Variants in CAMTA1 observed in about 807,000 individuals in gnomAD.
The protein encoded by CAMTA1 is calmodulin-binding transcription activator 1.
A neutral mutation model predicts 170.9 loss-of-function variants in CAMTA1; 27 were observed. That is an observed-to-expected ratio of 0.16 (90% CI 0.12 to 0.22). CAMTA1 has a LOEUF of 0.22. Among genes scored for constraint, CAMTA1 ranks in the 10% least tolerant of loss-of-function variants. CAMTA1 has a pLI of 1.00. For missense variants in CAMTA1, 1,619 were observed against 2,217.2 expected (o/e 0.73, Z 5.42); for synonymous variants, 833 against 891.5 (o/e 0.93, Z 1.17).
At chr1:6,920,596 C>A (rs759028528) in intron 3 of CAMTA1, among the ~76,000 whole-genome samples, 10 of 152,244 alleles carry the variant, frequency 6.6e-5, no homozygotes, top group Admixed American at 1.3e-4. Context: ...ACTGCCCTAG[C>A]AGAGGTTCTC....
At chr1:6,806,845 A>G (rs1644568230) in intron 1 of CAMTA1, 1 of 398,780 alleles carries the variant, frequency 2.5e-6, no homozygotes, top group Non-Finnish European at 4.4e-6. Flanking sequence ...AATTTATATA[A>G]TTGTTATTAT....
Position 7,738,069 on chromosome 1 carries a change from CAGG to C in CAMTA1, c.3772_3774del (p.Glu1258del). On this transcript the variant is annotated inframe_deletion, in exon 16 of 23. Transcript: ENST00000303635. This position sits in a 1 kb window ranked among gnomAD's most constrained non-coding sequence, Gnocchi z 4.9. ...GAACCCTGAGTACTTCCAGACAAGG[CAGG>C]AGAAGCTGCTTCCCACTGCACTGAG... 3 of 1,614,166 alleles carry C rather than the reference CAGG, an allele frequency of 1.9e-6. No homozygotes were observed. The highest frequency in any genetic ancestry group is 2.5e-6 in the Non-Finnish European group (3 of 1,180,042).
At chr1:7,410,897 CTGTGTGTGTG>C (rs35763888) in intron 5 of CAMTA1, among the ~76,000 whole-genome samples, 15 of 141,520 alleles carry the variant, frequency 1.1e-4, no homozygotes, top group Admixed American at 3.7e-4. Context: ...GGGTGGGCGT[CTGTGTGTGTG>C]TGTGTGTGTG....
At chr1:7,034,480 G>T (rs1558002265) in intron 3 of CAMTA1, among the ~76,000 whole-genome samples, 1 of 152,192 alleles carries the variant, frequency 6.6e-6, no homozygotes, top group East Asian at 1.9e-4. Flanking sequence ...CTGTTAAAAG[G>T]TGTTACAAGG....
intron 6 of CAMTA1, among the ~76,000 whole-genome samples, chr1:7,479,990 T>A (rs1046147506): frequency 6.6e-6 from 1 of 152,146 alleles, no homozygotes; most frequent in Non-Finnish European, 1.5e-5. Flanking sequence ...TGTGAATGTA[T>A]GTGCATGTGT....
chr1:7,738,177 G>T lies in CAMTA1; in HGVS notation c.3877G>T (p.Val1293Leu). Residue 1293 changes from valine (V) to leucine (L), a missense_variant, in exon 16 of 23, where the codon GTG (valine) becomes TTG (leucine). This residue lies in a region of CAMTA1 where 370 missense variants were observed against 429.4 expected (regional missense o/e 0.86). Coordinates refer to ENST00000303635, the MANE Select transcript of CAMTA1 (RefSeq NM_015215.4). The surrounding 1 kb of genome is among the most constrained non-coding windows in gnomAD (Gnocchi z 4.9). ...VPETLSPSEG[V>L]RDFSRELSPP... ...CGAGACACTCAGCCCCAGTGAAGGA[G>T]TGAGGGACTTCAGCCGGGAACTCTC... The T allele has an allele frequency of 6.2e-7, 1 of 1,614,052 alleles. No individual in the cohort carries two copies. Among genetic ancestry groups the T allele is most frequent in the Non-Finnish European group, 8.5e-7 (1 of 1,179,994 alleles).
chr1:7,238,334 C>T (rs780730295), intron 4 of CAMTA1, among the ~76,000 whole-genome samples: 6 of 152,102 alleles, frequency 3.9e-5, no homozygotes, highest in African/African-American at 7.2e-5. Flanking sequence ...TTGACTCTCA[C>T]GCTTACTAGT....
intron 4 of CAMTA1, among the ~76,000 whole-genome samples, chr1:7,107,203 G>A (rs1285960279): frequency 6.6e-6 from 1 of 152,176 alleles, no homozygotes; most frequent in South Asian, 2.1e-4. Context: ...ACACATATCT[G>A]AGATAACTAG....
At chr1:7,715,959 G>A (rs1577137103) in intron 11 of CAMTA1, among the ~76,000 whole-genome samples, 1 of 152,244 alleles carries the variant, frequency 6.6e-6, no homozygotes, top group East Asian at 1.9e-4. Context: ...AAATATTTAT[G>A]TGGTATATTG....
In CAMTA1 at chr1:7,480,469, C is replaced by T. The variant is rs144463534; in HGVS notation, c.510+12568C>T. ...TCGCCCCTAGTTCCCCTCTCCTCCT[C>T]TTCTCCCCCTGCTCCTTCCAGCTTT... On this transcript the variant is annotated intron_variant, in intron 6 of 22. Transcript: ENST00000303635. Among the ~76,000 whole-genome samples, 77 of 152,032 alleles carry T rather than the reference C, an allele frequency of 5.1e-4. No individual in the cohort carries two copies. In the East Asian group the frequency reaches 0.013, roughly 26 times the overall value.
intron 4 of CAMTA1, among the ~76,000 whole-genome samples, chr1:7,190,777 G>A (rs1208907118): frequency 6.6e-6 from 1 of 152,152 alleles, no homozygotes. Flanking sequence ...TTATTCTAAT[G>A]CGTACTGGGA....
chr1:7,127,882 G>T, intron 4 of CAMTA1, among the ~76,000 whole-genome samples: 1 of 152,196 alleles, frequency 6.6e-6, no homozygotes, highest in East Asian at 1.9e-4. Flanking sequence ...CTTGGCTGGT[G>T]TCCAGGAACT....
chr1:7,587,155 G>A (rs1202064240), intron 6 of CAMTA1, among the ~76,000 whole-genome samples: 4 of 152,082 alleles, frequency 2.6e-5, no homozygotes, highest in African/African-American at 4.8e-5. Flanking sequence ...CCAGGTGAGA[G>A]GGAAGAGGCC....
intron 11 of CAMTA1, among the ~76,000 whole-genome samples, chr1:7,716,726 T>C (rs1283214394): frequency 6.6e-6 from 1 of 152,144 alleles, no homozygotes; most frequent in African/African-American, 2.4e-5. Context: ...GTATGGAGAA[T>C]GAGCTTGGCA....
intron 5 of CAMTA1, among the ~76,000 whole-genome samples, chr1:7,430,275 A>T (rs1474109112): frequency 6.6e-6 from 1 of 151,572 alleles, no homozygotes; most frequent in South Asian, 2.1e-4. Context: ...GGGGATGATG[A>T]TGACGAGGAT....
chr1:7,177,135 C>G (rs1335849094), intron 4 of CAMTA1, among the ~76,000 whole-genome samples: 1 of 150,800 alleles, frequency 6.6e-6, no homozygotes, highest in Non-Finnish European at 1.5e-5. Flanking sequence ...AGGCTCCTCC[C>G]ACACACCGAG....
intron 3 of CAMTA1, among the ~76,000 whole-genome samples, chr1:6,864,012 A>G (rs1665717108): frequency 6.6e-6 from 1 of 152,082 alleles, no homozygotes; most frequent in African/African-American, 2.4e-5. Context: ...TCGTGATTAG[A>G]CTTGGATAAT....
intron 5 of CAMTA1, among the ~76,000 whole-genome samples, chr1:7,270,248 C>CAT (rs1669537077): frequency 5.9e-5 from 1 of 16,966 alleles, no homozygotes; most frequent in Non-Finnish European, 1.2e-4. Context: ...TATACATACA[C>CAT]ACACACACAC....
chr1:7,766,511 T>G lies in CAMTA1; in HGVS notation c.*20T>G. The G allele has an allele frequency of 6.2e-7, 1 of 1,612,336 alleles. No homozygotes were observed. The highest frequency in any genetic ancestry group is 1.7e-4 in the Middle Eastern group (1 of 6,052). ...ACTTGAAGACATACAGCAGCATCCC[T>G]TAGCAATGTGACATTGCTTTTCAGA... On this transcript the variant is annotated 3_prime_UTR_variant, in exon 23 of 23. Transcript: ENST00000303635.
Sources: gnomAD v4.1 joint callset for allele counts (sites outside exome capture counted in the v4.1 genomes callset) on GRCh38, gnomAD v4.1.1 for gene constraint, gnomAD v4.1.1 regional missense constraint, Gnocchi (gnomAD v3.1) non-coding constraint, MANE v1.5 for transcripts, NCBI Gene and HGNC (gene_info 2026-07-23, HGNC 2026-07-21) for gene names.